Variants in LRRC72 observed in about 807,000 individuals in gnomAD.
LRRC72 encodes leucine-rich repeat-containing protein 72.
A neutral mutation model predicts 35.8 loss-of-function variants in LRRC72; 41 were observed. That is an observed-to-expected ratio of 1.15 (90% confidence interval 0.89 to 1.49). The LOEUF (loss-of-function observed/expected upper bound fraction) is 1.49, where lower values mean the gene tolerates loss of function less well. Ranked by LOEUF, LRRC72 falls within the 40% of genes most tolerant of loss-of-function variation. LRRC72 has a pLI of 0.00. For synonymous variants in LRRC72, 118 were observed against 119.2 expected (o/e 0.99, Z 0.07); for missense variants, 389 against 330.7 (o/e 1.18, Z -1.37).
intron 1 of LRRC72, among the ~76,000 whole-genome samples, chr7:16,529,189 C>T (rs960963824): frequency 6.6e-6 from 1 of 152,212 alleles, no homozygotes; most frequent in South Asian, 2.1e-4. Flanking sequence ...TTTCTCACAA[C>T]TGCCTTCCAC....
intron 7 of LRRC72, among the ~76,000 whole-genome samples, chr7:16,569,209 C>A (rs1290266008): frequency 6.6e-6 from 1 of 151,610 alleles, no homozygotes; most frequent in East Asian, 2.0e-4. Flanking sequence ...GGGCAGATCA[C>A]CTGAGGTCGG....
chr7:16,565,589 A>G (rs897112358), intron 5 of LRRC72, among the ~76,000 whole-genome samples: 5 of 152,198 alleles, frequency 3.3e-5, no homozygotes, highest in African/African-American at 1.2e-4. Flanking sequence ...AAACATAACT[A>G]TGTGCTGATT....
intron 1 of LRRC72, among the ~76,000 whole-genome samples, chr7:16,527,554 T>G (rs533145085): frequency 1.3e-5 from 2 of 152,106 alleles, no homozygotes; most frequent in East Asian, 3.9e-4. Flanking sequence ...CGTTATTTGA[T>G]GAGCCCTACA....
chr7:16,575,457 C>A (rs1783022560), intron 7 of LRRC72, among the ~76,000 whole-genome samples: 1 of 152,114 alleles, frequency 6.6e-6, no homozygotes, highest in South Asian at 2.1e-4. Context: ...AGAGATCAAC[C>A]AATAGAGAGG....
intron 3 of LRRC72, among the ~76,000 whole-genome samples, chr7:16,550,467 C>T (rs1362245646): frequency 6.6e-6 from 1 of 152,114 alleles, no homozygotes; most frequent in Non-Finnish European, 1.5e-5. Flanking sequence ...TAAGACCCAA[C>T]CTCCTTACTC....
At chr7:16,580,736 C>G (rs1200037332) in intron 8 of LRRC72, among the ~76,000 whole-genome samples, 2 of 152,084 alleles carry the variant, frequency 1.3e-5, no homozygotes, top group East Asian at 3.8e-4. Context: ...TAAATATGTT[C>G]AGTCATAGCA....
At chr7:16,544,708 A>G (rs1007903275) in intron 3 of LRRC72, among the ~76,000 whole-genome samples, 8 of 152,248 alleles carry the variant, frequency 5.3e-5, no homozygotes, top group Non-Finnish European at 1.2e-4. Flanking sequence ...TGGATGTCCA[A>G]TAATGACTAT....
intron 3 of LRRC72, among the ~76,000 whole-genome samples, chr7:16,537,905 C>A (rs2128335023): frequency 6.6e-6 from 1 of 152,154 alleles, no homozygotes; most frequent in African/African-American, 2.4e-5. Flanking sequence ...TGAATAAGGG[C>A]AATCTGTGAG....
chr7:16,550,935 G>A (rs947360027), intron 3 of LRRC72, among the ~76,000 whole-genome samples: 8 of 152,012 alleles, frequency 5.3e-5, no homozygotes, highest in Admixed American at 2.6e-4. Flanking sequence ...TCAATTCCCC[G>A]GAGTTTATAT....
At chr7:16,575,591 T>C (rs1285343918) in intron 7 of LRRC72, among the ~76,000 whole-genome samples, 1 of 152,234 alleles carries the variant, frequency 6.6e-6, no homozygotes, top group Admixed American at 6.5e-5. Flanking sequence ...AATATCTTGC[T>C]TTGACTGTTA....
intron 5 of LRRC72, among the ~76,000 whole-genome samples, chr7:16,562,269 T>G (rs1324180233): frequency 6.6e-6 from 1 of 152,052 alleles, no homozygotes; most frequent in African/African-American, 2.4e-5. Flanking sequence ...TCCTCCAAAC[T>G]CTTTCTAAAT....
At chr7:16,568,141 T>C (rs35736024) in intron 7 of LRRC72, among the ~76,000 whole-genome samples, 1,666 of 152,184 alleles carry the variant, frequency 0.011, 29 homozygotes, top group Middle Eastern at 0.044. Flanking sequence ...AAAGATAGGG[T>C]ATCTAGGGTT....
chr7:16,555,669 G>A (rs895322659), intron 3 of LRRC72, among the ~76,000 whole-genome samples: 2 of 152,132 alleles, frequency 1.3e-5, no homozygotes, highest in African/African-American at 4.8e-5. Context: ...CTACTTGGGA[G>A]GCTGAGGTGG....
intron 7 of LRRC72, among the ~76,000 whole-genome samples, chr7:16,577,116 A>G (rs1474831746): frequency 6.6e-6 from 1 of 152,182 alleles, no homozygotes; most frequent in East Asian, 1.9e-4. Context: ...ACTGCTACCT[A>G]TGCATGAAGG....
chr7:16,568,975 A>G (rs1015242324), intron 7 of LRRC72, among the ~76,000 whole-genome samples: 1 of 152,374 alleles, frequency 6.6e-6, no homozygotes, highest in African/African-American at 2.4e-5. Flanking sequence ...GAATGAGGAC[A>G]AAATTAAGAC....
intron 1 of LRRC72, among the ~76,000 whole-genome samples, chr7:16,527,950 C>T (rs1455674194): frequency 5.3e-5 from 8 of 152,040 alleles, no homozygotes; most frequent in African/African-American, 1.9e-4. Flanking sequence ...AGCTGCTGTT[C>T]TCCCCATGCT....
intron 3 of LRRC72, among the ~76,000 whole-genome samples, chr7:16,550,128 A>C (rs1289312857): frequency 1.3e-5 from 2 of 152,064 alleles, no homozygotes; most frequent in Non-Finnish European, 2.9e-5. Flanking sequence ...CTGAGGTGGG[A>C]GGATGCTTGA....
At chr7:16,534,708 A>C (rs754376582) in intron 2 of LRRC72, among the ~76,000 whole-genome samples, 1 of 152,192 alleles carries the variant, frequency 6.6e-6, no homozygotes, top group Non-Finnish European at 1.5e-5. Context: ...TGAGTGGGGC[A>C]TGAGATACTC....
chr7:16,555,217 T>C (rs959686557), intron 3 of LRRC72, among the ~76,000 whole-genome samples: 1 of 152,126 alleles, frequency 6.6e-6, no homozygotes, highest in East Asian at 1.9e-4. Flanking sequence ...TGGAGATGAG[T>C]CTGTGAACGA....
Sources: gnomAD v4.1 joint callset for allele counts (sites outside exome capture counted in the v4.1 genomes callset) on GRCh38, gnomAD v4.1.1 for gene constraint, MANE v1.5 for transcripts, NCBI Gene and HGNC (gene_info 2026-07-23, HGNC 2026-07-21) for gene names.